Variants in FAM184A observed in about 807,000 individuals in gnomAD.
FAM184A encodes family with sequence similarity 184 member A.
FAM184A carries 99 observed loss-of-function variants against 143.8 expected under a neutral mutation model. That is an observed-to-expected ratio of 0.69 (90% CI 0.58 to 0.81). The LOEUF (loss-of-function observed/expected upper bound fraction) is 0.81. FAM184A is among the 40% of genes least tolerant of loss of function. The pLI is 0.00. For missense variants in FAM184A, 1,217 were observed against 1,310.5 expected, an observed-to-expected ratio of 0.93 and a Z score of 1.10; for synonymous variants, 427 against 446.4, an observed-to-expected ratio of 0.96 and a Z score of 0.55.
chr6:119,058,243 G>A (rs1363536331), intron 1 of FAM184A, among the ~76,000 whole-genome samples: 1 of 145,616 alleles, frequency 6.9e-6, no homozygotes, highest in South Asian at 2.2e-4. Context: ...GAGAGCAGTG[G>A]CGTGATCTTG....
At chr6:119,112,284 A>G (rs571985545) in intron 1 of FAM184A, among the ~76,000 whole-genome samples, 83 of 152,080 alleles carry the variant, frequency 5.5e-4, no homozygotes, top group African/African-American at 1.9e-3. Flanking sequence ...GGCACGTTAC[A>G]TGCCCGGCTA....
rs1465945845 is a variant in FAM184A, at chr6:118,960,142, G to A, written c.3384C>T (p.Pro1128=). The part of the protein sequence containing the change: ...SEASPVASPD[P]QRQEWFARYF... The stretch of plus-strand genomic sequence containing the variant: ...ACCGGGCAAACCACTCCTGGCGCTG[G>A]GGATCTGGAGAAGCCACTGGAGAAG... Residue 1128 remains proline (P), a synonymous_variant, in exon 18 of 18, where the codon CCC becomes CCT. Coordinates refer to ENST00000338891, the MANE Select transcript of FAM184A (RefSeq NM_024581.6). 1.2e-6 allele frequency: 2 copies of A among 1,613,408 alleles called. No individual in the cohort carries two copies. Among genetic ancestry groups the A allele is most frequent in the East Asian group, 4.5e-5 (2 of 44,874 alleles).
intron 1 of FAM184A, among the ~76,000 whole-genome samples, chr6:119,109,546 A>G (rs1788876079): frequency 6.6e-6 from 1 of 152,168 alleles, no homozygotes; most frequent in Admixed American, 6.5e-5. Context: ...TACTTTAGCT[A>G]TGTATACAGA....
chr6:119,125,926 A>G (rs1041795895), intron 1 of FAM184A, among the ~76,000 whole-genome samples: 1 of 152,190 alleles, frequency 6.6e-6, no homozygotes, highest in African/African-American at 2.4e-5. Flanking sequence ...TTCATTTTCT[A>G]TTACTGCATA....
chr6:119,089,621 A>G (rs887962077), intron 1 of FAM184A, among the ~76,000 whole-genome samples: 14 of 152,208 alleles, frequency 9.2e-5, no homozygotes, highest in Middle Eastern at 6.8e-3. Context: ...ATATTTTTAG[A>G]ACAGAATTTT....
chr6:119,076,793 A>C (rs747630374), intron 1 of FAM184A, among the ~76,000 whole-genome samples: 7 of 152,164 alleles, frequency 4.6e-5, no homozygotes, highest in African/African-American at 7.2e-5. Flanking sequence ...TAGACTCCAA[A>C]TGTGTAAATG....
chr6:119,086,198 C>A (rs1788217942), intron 1 of FAM184A, among the ~76,000 whole-genome samples: 1 of 152,210 alleles, frequency 6.6e-6, no homozygotes, highest in Admixed American at 6.5e-5. Context: ...ATACTTAGTG[C>A]CTGTTTCTTT....
intron 1 of FAM184A, among the ~76,000 whole-genome samples, chr6:119,109,488 C>G (rs1257043862): frequency 6.6e-6 from 1 of 152,144 alleles, no homozygotes; most frequent in Non-Finnish European, 1.5e-5. Flanking sequence ...CTGTCTGTCT[C>G]TCTGTCTCTC....
In FAM184A at chr6:119,025,554, C is replaced by A. The variant is rs76996550; in HGVS notation, c.160-741G>T. ...CAGGTCTTTATTTTCATTTTAGTTC[C>A]TAGGTTTTAATGATTTCACTGAGAT... On this transcript the variant is annotated intron_variant, in intron 1 of 17. Coordinates refer to ENST00000338891, the MANE Select transcript of FAM184A (RefSeq NM_024581.6). The A allele has an allele frequency of 1.2e-3, 638 of 518,812 alleles. 3 individuals are homozygous for A. Among genetic ancestry groups the A allele is most frequent in the African/African-American group, 0.011 (565 of 52,016 alleles). The allele number at this position is 518,812 out of a possible 1,614,324, so 32.1% of individuals were successfully genotyped here.
At chr6:119,091,290 G>A (rs766768726) in intron 1 of FAM184A, among the ~76,000 whole-genome samples, 10 of 152,172 alleles carry the variant, frequency 6.6e-5, no homozygotes, top group Non-Finnish European at 1.3e-4. Flanking sequence ...TGGGTATGAC[G>A]GTGAGAGAAG....
In FAM184A at chr6:119,022,058, T is replaced by C. The variant is rs992109318; in HGVS notation, c.1150+887A>G. The stretch of plus-strand genomic sequence containing the variant: ...TGCTTCATTTTTCGTTCTTTCTTTT[T>C]TTTTTTTTTTTTTTTTTTTTGATAC... On this transcript the variant is annotated intron_variant, in intron 3 of 17. Coordinates refer to ENST00000338891, the MANE Select transcript of FAM184A (RefSeq NM_024581.6). Among the ~76,000 whole-genome samples, 11 of 140,704 alleles carry C rather than the reference T, an allele frequency of 7.8e-5. No individual in the cohort carries two copies. In the East Asian group the frequency reaches 1.0e-3, roughly 13 times the overall value. The allele number at this position is 140,704 out of a possible 152,430, so 92.3% of individuals were successfully genotyped here. A position where few individuals can be genotyped will look rare whatever the true frequency, so the allele number is the denominator to read the frequency against.
chr6:119,092,196 G>C (rs969281282), intron 1 of FAM184A, among the ~76,000 whole-genome samples: 4 of 152,168 alleles, frequency 2.6e-5, no homozygotes, highest in African/African-American at 9.7e-5. Context: ...GGAGTGCAGT[G>C]GCATAACCAT....
At chr6:119,020,530 C>T (rs146904185) in intron 3 of FAM184A, among the ~76,000 whole-genome samples, 18 of 152,018 alleles carry the variant, frequency 1.2e-4, no homozygotes, top group African/African-American at 4.3e-4. Flanking sequence ...AAAAGAAGGA[C>T]GGAGAGGATG....
intron 6 of FAM184A, among the ~76,000 whole-genome samples, chr6:119,008,759 C>T (rs1785002862): frequency 6.6e-6 from 1 of 152,210 alleles, no homozygotes; most frequent in South Asian, 2.1e-4. Flanking sequence ...CCTTGCAACA[C>T]TACAGTGAGT....
intron 1 of FAM184A, among the ~76,000 whole-genome samples, chr6:119,126,290 G>A (rs923624286): frequency 9.2e-5 from 14 of 152,164 alleles, no homozygotes; most frequent in Non-Finnish European, 2.1e-4. Context: ...CTCATGCTTC[G>A]AATTTCTCTT....
At chr6:118,981,991 C>T (rs747722313) in intron 9 of FAM184A, among the ~76,000 whole-genome samples, 5 of 152,126 alleles carry the variant, frequency 3.3e-5, no homozygotes, top group Non-Finnish European at 5.9e-5. Flanking sequence ...ATCACAACTC[C>T]TTATACCTCT....
chr6:118,995,431 A>C (rs1484041962), intron 9 of FAM184A, among the ~76,000 whole-genome samples: 1 of 152,160 alleles, frequency 6.6e-6, no homozygotes, highest in African/African-American at 2.4e-5. Flanking sequence ...AAAAAGAAAA[A>C]AAATGTCCAA....
At chr6:118,961,510 T>C (rs1160202559) in intron 17 of FAM184A, among the ~76,000 whole-genome samples, 1 of 151,936 alleles carries the variant, frequency 6.6e-6, no homozygotes, top group African/African-American at 2.4e-5. Context: ...ATATTAAAAT[T>C]CTAATGATAT....
At chr6:119,136,455 A>T (rs1410732638) in intron 1 of FAM184A, among the ~76,000 whole-genome samples, 1 of 152,226 alleles carries the variant, frequency 6.6e-6, no homozygotes, top group Non-Finnish European at 1.5e-5. Context: ...ATTTATTGGC[A>T]TTAAAAAAAT....
Sources: gnomAD v4.1 joint callset for allele counts (sites outside exome capture counted in the v4.1 genomes callset) on GRCh38, gnomAD v4.1.1 for gene constraint, MANE v1.5 for transcripts, NCBI Gene and HGNC (gene_info 2026-07-23, HGNC 2026-07-21) for gene names.